AUTS2: variants seen among roughly 807,000 people sequenced by gnomAD.
AUTS2 encodes the protein autism susceptibility gene 2 protein.
A neutral mutation model predicts 112.4 loss-of-function variants in AUTS2; 17 were observed. The observed-to-expected ratio is 0.15, with a 90% CI of 0.10 to 0.23. AUTS2 has a LOEUF of 0.23. AUTS2 is among the 10% of genes least tolerant of loss of function. The pLI, the probability that AUTS2 is intolerant of heterozygous loss-of-function variation, is 1.00. For synonymous variants in AUTS2, 751 were observed against 702.7 expected (o/e 1.07, Z -1.09); for missense variants, 1,510 against 1,701.6 (o/e 0.89, Z 1.98).
chr7:70,127,153 T>A (rs970787543), intron 3 of AUTS2, among the ~76,000 whole-genome samples: 2 of 151,676 alleles, frequency 1.3e-5, no homozygotes, highest in Non-Finnish European at 2.9e-5. Flanking sequence ...TCTTCCTACC[T>A]TTGCTTATTC....
At chr7:69,819,467 G>A (rs768786442) in intron 1 of AUTS2, among the ~76,000 whole-genome samples, 4 of 152,162 alleles carry the variant, frequency 2.6e-5, no homozygotes, top group Non-Finnish European at 5.9e-5. Flanking sequence ...AACCTCTATT[G>A]TCCTCCTGAT....
intron 2 of AUTS2, among the ~76,000 whole-genome samples, chr7:69,900,530 C>T (rs1794926614): frequency 1.3e-5 from 2 of 152,168 alleles, no homozygotes; most frequent in Admixed American, 6.5e-5. Context: ...TCTTTAGGAC[C>T]TAATGACATT....
At chr7:70,642,899 T>C (rs1216624122) in intron 5 of AUTS2, among the ~76,000 whole-genome samples, 1 of 152,260 alleles carries the variant, frequency 6.6e-6, no homozygotes, top group Non-Finnish European at 1.5e-5. Flanking sequence ...TTGATGGCAC[T>C]GACCCATCCT....
At chr7:70,373,620 C>T (rs906293291) in intron 4 of AUTS2, among the ~76,000 whole-genome samples, 3 of 152,156 alleles carry the variant, frequency 2.0e-5, no homozygotes, top group African/African-American at 7.2e-5. Context: ...TGCTTCTAGG[C>T]ATGGTTTGCT....
At chr7:70,476,442 A>G (rs566322599) in intron 5 of AUTS2, among the ~76,000 whole-genome samples, 1 of 152,368 alleles carries the variant, frequency 6.6e-6, no homozygotes, top group Admixed American at 6.5e-5. Flanking sequence ...ACAAGACCAG[A>G]GACAGAGTCT....
At position 70,316,259 on chromosome 7, in the gene AUTS2, G is replaced by A. The variant is rs145852849; in HGVS notation, c.661-119493G>A. On this transcript the variant is annotated intron_variant, in intron 4 of 18. Transcript: ENST00000342771. ...TCTCACCTGAGCCTATGACAAGAGGGTAATGGATTGGACAAACAAGTGGAA... is the reference window on the plus strand; with the variant it reads ...TCTCACCTGAGCCTATGACAAGAGGATAATGGATTGGACAAACAAGTGGAA... 1.5e-3 allele frequency among the ~76,000 whole-genome samples: 227 copies of A among 152,290 alleles called. 1 individual carries two copies. The highest frequency in any genetic ancestry group is 4.6e-3 in the African/African-American group (191 of 41,558).
intron 5 of AUTS2, among the ~76,000 whole-genome samples, chr7:70,668,152 G>T (rs546694897): frequency 1.3e-5 from 2 of 152,192 alleles, no homozygotes; most frequent in African/African-American, 4.8e-5. Context: ...ACTAATTTTT[G>T]TACTTTTAGT....
intron 1 of AUTS2, among the ~76,000 whole-genome samples, chr7:69,824,366 G>A (rs1160906227): frequency 2.0e-5 from 3 of 151,336 alleles, no homozygotes; most frequent in African/African-American, 7.3e-5. Flanking sequence ...CCGAGATCGC[G>A]CCACCGCACT....
chr7:70,050,240 C>T (rs1389019427), intron 2 of AUTS2, among the ~76,000 whole-genome samples: 2 of 150,480 alleles, frequency 1.3e-5, no homozygotes, highest in Non-Finnish European at 3.0e-5. Flanking sequence ...ACCTGTAGTC[C>T]CAGCTACTCA....
intron 1 of AUTS2, among the ~76,000 whole-genome samples, chr7:69,876,484 GTATATATATATATATATATA>G (rs58131271): frequency 0.035 from 1,897 of 54,104 alleles, 129 homozygotes; most frequent in South Asian, 0.053. Flanking sequence ...AATATTTTGT[GTATATATATATATATATATA>G]TATATATATA....
intron 2 of AUTS2, among the ~76,000 whole-genome samples, chr7:70,035,515 T>G (rs1800962091): frequency 6.6e-6 from 1 of 152,208 alleles, no homozygotes; most frequent in African/African-American, 2.4e-5. Context: ...ACTTGCCATA[T>G]TATAGCTTCA....
At chr7:70,647,280 A>G (rs1020752119) in intron 5 of AUTS2, among the ~76,000 whole-genome samples, 5 of 152,178 alleles carry the variant, frequency 3.3e-5, no homozygotes, top group African/African-American at 9.6e-5. Context: ...CACTAGACAC[A>G]GTGAGAAACG....
chr7:69,863,177 A>G (rs1231215336), intron 1 of AUTS2, among the ~76,000 whole-genome samples: 2 of 152,190 alleles, frequency 1.3e-5, no homozygotes, highest in African/African-American at 2.4e-5. Flanking sequence ...CTAACCATGC[A>G]TGGAAAGTAT....
At chr7:70,184,454 C>T (rs141906008) in intron 4 of AUTS2, among the ~76,000 whole-genome samples, 167 of 152,242 alleles carry the variant, frequency 1.1e-3, no homozygotes, top group African/African-American at 3.8e-3. Context: ...TTATTATATG[C>T]CTCTTTCACT....
At chr7:70,589,942 C>G (rs1424898203) in intron 5 of AUTS2, among the ~76,000 whole-genome samples, 1 of 152,134 alleles carries the variant, frequency 6.6e-6, no homozygotes, top group Non-Finnish European at 1.5e-5. Flanking sequence ...CATTCCCTCT[C>G]AGAAAGCCCA....
rs933197359 is a variant in AUTS2 at position 70,337,131 on chromosome 7, G to C, written c.661-98621G>C. On this transcript the variant is annotated intron_variant, in intron 4 of 18. Transcript: ENST00000342771. Reference sequence around the variant, plus strand: ...GCAGTAATTAAAATTTGTAGGTCAAGCCTCCCATGGCACCGTTTGCTGCTA... The same window carrying C: ...GCAGTAATTAAAATTTGTAGGTCAACCCTCCCATGGCACCGTTTGCTGCTA... Among the ~76,000 whole-genome samples the C allele has an allele frequency of 4.6e-5, 7 of 152,240 alleles. No individual in the cohort carries two copies. In the East Asian group the frequency reaches 1.4e-3, roughly 29 times the overall value.
At chr7:70,713,015 C>G in intron 6 of AUTS2, among the ~76,000 whole-genome samples, 1 of 152,202 alleles carries the variant, frequency 6.6e-6, no homozygotes, top group Non-Finnish European at 1.5e-5. Context: ...TGTGAACAGG[C>G]CTACTCATGT....
intron 5 of AUTS2, among the ~76,000 whole-genome samples, chr7:70,574,047 C>T (rs371178045): frequency 4.9e-4 from 75 of 152,146 alleles, no homozygotes; most frequent in African/African-American, 1.5e-3. Flanking sequence ...TCTACCATGG[C>T]GTTTTCCATT....
chr7:70,473,708 G>A (rs1369624247), intron 5 of AUTS2, among the ~76,000 whole-genome samples: 1 of 149,890 alleles, frequency 6.7e-6, no homozygotes, highest in Non-Finnish European at 1.5e-5. Context: ...TTTTTTTGGT[G>A]GGGCTTTTTT....
Sources: gnomAD v4.1 joint callset for allele counts (sites outside exome capture counted in the v4.1 genomes callset) on GRCh38, gnomAD v4.1.1 for gene constraint, MANE v1.5 for transcripts, NCBI Gene and HGNC (gene_info 2026-07-23, HGNC 2026-07-21) for gene names.